The following CYREN variants were observed in gnomAD, a reference collection of about 807,000 sequenced individuals.
CYREN encodes the protein cell cycle regulator of non-homologous end joining.
CYREN carries 7 observed loss-of-function variants against 9.7 expected under a neutral mutation model. The observed-to-expected ratio is 0.72, with a 90% CI of 0.41 to 1.36. The LOEUF is 1.36. CYREN is among the 40% of genes most tolerant of loss of function. CYREN has a pLI of 0.01. For synonymous variants in CYREN, 76 were observed against 77.9 expected (o/e 0.98, Z 0.13); for missense variants, 215 against 198.1 (o/e 1.09, Z -0.51).
intron 2 of CYREN, among the ~76,000 whole-genome samples, chr7:135,131,406 C>T (rs1161120430): frequency 1.3e-5 from 2 of 151,028 alleles, no homozygotes; most frequent in Non-Finnish European, 2.9e-5. Flanking sequence ...CAAACCTGCA[C>T]GTTCTGCACA....
At chr7:135,123,647 G>A (rs1827452170) in intron 2 of CYREN, among the ~76,000 whole-genome samples, 2 of 152,120 alleles carry the variant, frequency 1.3e-5, no homozygotes, top group African/African-American at 4.8e-5. Context: ...CAGAGAGAAA[G>A]GCCAGGTCAT....
At position 135,133,079 on chromosome 7, in the gene CYREN, A is replaced by G. The variant is rs894906120; in HGVS notation, n.356+35670T>C. On this transcript the variant is annotated intron_variant and non_coding_transcript_variant, in intron 2 of 2. Coordinates refer to the CYREN transcript ENST00000459937. ...CGCACGCATGCGTGCACACACACAC[A>G]CACACACACACACACACACAACCTT... 7.2e-4 allele frequency among the ~76,000 whole-genome samples: 108 copies of G among 150,562 alleles called. No individual in the cohort carries two copies. In the East Asian group the frequency reaches 7.5e-3, roughly 11 times the overall value.
intron 2 of CYREN, among the ~76,000 whole-genome samples, chr7:135,146,097 T>C (rs1011070329): frequency 6.6e-6 from 1 of 152,214 alleles, no homozygotes; most frequent in African/African-American, 2.4e-5. Flanking sequence ...TGACACTTCC[T>C]TTCACTTAAA....
At chr7:135,163,369 T>C (rs1310442741), downstream of CYREN, among the ~76,000 whole-genome samples, 1 of 152,184 alleles carries the variant, frequency 6.6e-6, no homozygotes, top group Non-Finnish European at 1.5e-5. Context: ...TGGCCAGGCA[T>C]GGTGGCTCAT....
At chr7:135,096,414 G>GGAAAGAAA (rs59684349) in intron 2 of CYREN, among the ~76,000 whole-genome samples, 39 of 147,272 alleles carry the variant, frequency 2.6e-4, no homozygotes, top group South Asian at 1.3e-3. Flanking sequence ...GAGGAAGGAA[G>GGAAAGAAA]GAAAGAAAGA....
chr7:135,098,591 T>C lies in CYREN; in HGVS notation n.357-4009A>G, dbSNP rs1369401919. On this transcript the variant is annotated intron_variant and non_coding_transcript_variant, in intron 2 of 2. Transcript: ENST00000459937. ...TGACAGGATATCTAACTTGATGTCA[T>C]TGCATTGGAATGATACCAGGAGCAG... Among the ~76,000 whole-genome samples the C allele has an allele frequency of 5.9e-5, 9 of 152,300 alleles. No homozygotes were observed. The South Asian group carries it at 1.7e-3, about 28-fold the overall frequency.
At chr7:135,113,533 T>C (rs1344225215) in intron 2 of CYREN, among the ~76,000 whole-genome samples, 3 of 152,238 alleles carry the variant, frequency 2.0e-5, no homozygotes, top group African/African-American at 7.2e-5. Context: ...CTTTCTCTTA[T>C]GCTGTCTACG....
intron 2 of CYREN, among the ~76,000 whole-genome samples, chr7:135,138,601 A>G (rs1347828859): frequency 1.3e-5 from 2 of 152,096 alleles, no homozygotes; most frequent in African/African-American, 4.8e-5. Context: ...AGAAGGAGGT[A>G]GAAAACAAGT....
At chr7:135,101,096 C>T (rs1444203261) in intron 2 of CYREN, 1 of 443,462 alleles carries the variant, frequency 2.3e-6, no homozygotes, top group Non-Finnish European at 4.5e-6. Flanking sequence ...AAGTATGACT[C>T]AGAGTCATAG....
At chr7:135,171,259 A>T (rs1830638781), upstream of CYREN, among the ~76,000 whole-genome samples, 1 of 152,230 alleles carries the variant, frequency 6.6e-6, no homozygotes, top group South Asian at 2.1e-4. Flanking sequence ...TCCGAAAGTT[A>T]AAGCGAGGGA....
At chr7:135,141,783 T>G (rs1829457153) in intron 2 of CYREN, among the ~76,000 whole-genome samples, 1 of 152,200 alleles carries the variant, frequency 6.6e-6, no homozygotes, top group Non-Finnish European at 1.5e-5. Flanking sequence ...ATTTCTTGAT[T>G]TCTGCCTTAA....
chr7:135,136,320 C>T lies in CYREN; in HGVS notation n.356+32429G>A, dbSNP rs3735003. 4.7e-4 allele frequency among the ~76,000 whole-genome samples: 71 copies of T among 152,094 alleles called. No individual in the cohort carries two copies. The East Asian group carries it at 0.013, about 29-fold the overall frequency. On this transcript the variant is annotated intron_variant and non_coding_transcript_variant, in intron 2 of 2. Coordinates refer to the CYREN transcript ENST00000459937. ...AGTATTTCTAGTAGCTAAAGAGTTT[C>T]CAAGGAGAGCCCACTGCACTGTTAA...
intron 2 of CYREN, among the ~76,000 whole-genome samples, chr7:135,143,499 A>C (rs2117401776): frequency 6.6e-6 from 1 of 152,332 alleles, no homozygotes; most frequent in Admixed American, 6.5e-5. Context: ...CCTAAATGTA[A>C]AATGCAATAC....
chr7:135,114,272 T>C (rs1329614398), intron 2 of CYREN, among the ~76,000 whole-genome samples: 1 of 152,216 alleles, frequency 6.6e-6, no homozygotes, highest in African/African-American at 2.4e-5. Context: ...GGAACCATCA[T>C]ATTGTTTTCC....
At chr7:135,114,310 TTAA>T (rs1826024564) in intron 2 of CYREN, among the ~76,000 whole-genome samples, 1 of 152,212 alleles carries the variant, frequency 6.6e-6, no homozygotes, top group Non-Finnish European at 1.5e-5. Context: ...TACATTCTTA[TTAA>T]TAATGTGTGA....
chr7:135,107,144 T>TA (rs34499544), intron 2 of CYREN, among the ~76,000 whole-genome samples: 1 of 48,060 alleles, frequency 2.1e-5, no homozygotes, highest in Non-Finnish European at 5.5e-5. Flanking sequence ...ATATTATTGA[T>TA]TTTTTTTTCA....
At chr7:135,143,042 A>G (rs1829481647) in intron 2 of CYREN, among the ~76,000 whole-genome samples, 1 of 152,170 alleles carries the variant, frequency 6.6e-6, no homozygotes, top group Non-Finnish European at 1.5e-5. Context: ...GACTGACACT[A>G]CATGCCTTTA....
At chr7:135,129,245 G>A in intron 2 of CYREN, 1 of 1,508,926 alleles carries the variant, frequency 6.6e-7, no homozygotes, top group Non-Finnish European at 9.2e-7. Flanking sequence ...GCTACATCAT[G>A]GGTATCTGCT....
intron 3 of CYREN, 62 bp downstream of exon 3, chr7:135,167,670 A>G: frequency 6.4e-7 from 1 of 1,573,764 alleles, no homozygotes; most frequent in East Asian, 2.2e-5. Context: ...ACGGTGACCA[A>G]GGGTCTAGCC....
Sources: allele counts gnomAD v4.1 joint callset (sites outside exome capture counted in the v4.1 genomes callset), GRCh38; gene constraint gnomAD v4.1.1; transcripts MANE v1.5; gene names NCBI Gene and HGNC (gene_info 2026-07-23, HGNC 2026-07-21).